Variants in COL19A1 observed in about 807,000 individuals in gnomAD.
COL19A1 encodes the protein collagen alpha-1(XIX) chain.
Under a neutral mutation model 190.2 loss-of-function variants are expected in COL19A1, and 159 were observed. The observed-to-expected ratio is 0.84, with a 90% CI of 0.73 to 0.95. The LOEUF (loss-of-function observed/expected upper bound fraction) is 0.95. COL19A1 is among the 40% of genes least tolerant of loss of function. The probability of loss-of-function intolerance (pLI) is 0.00; values close to 1 mark genes in which losing one functional copy is unlikely to be tolerated. For missense variants in COL19A1, 1,418 were observed against 1,431.9 expected, an observed-to-expected ratio of 0.99 and a Z score of 0.16; for synonymous variants, 509 against 458.9, an observed-to-expected ratio of 1.11 and a Z score of -1.39.
intron 14 of COL19A1, among the ~76,000 whole-genome samples, chr6:70,065,405 A>G (rs1781115328): frequency 6.6e-6 from 1 of 152,252 alleles, no homozygotes; most frequent in African/African-American, 2.4e-5. Flanking sequence ...GGCTAGCCGT[A>G]TGTAGAAAGC....
At chr6:70,156,100 C>T (rs1363367881) in intron 31 of COL19A1, 27 bp from the exon 32 acceptor site, 2 of 1,601,778 alleles carry the variant, frequency 1.2e-6, no homozygotes, top group South Asian at 2.2e-5. Flanking sequence ...ATGACTCCCT[C>T]AGTAACCTTA....
intron 11 of COL19A1, among the ~76,000 whole-genome samples, chr6:69,963,774 G>T (rs190918403): frequency 6.6e-6 from 1 of 152,110 alleles, no homozygotes; most frequent in Admixed American, 6.5e-5. Flanking sequence ...TAAATTCTGG[G>T]TGCTTAATTT....
intron 15 of COL19A1, among the ~76,000 whole-genome samples, chr6:70,099,507 C>T (rs1362494835): frequency 6.6e-6 from 1 of 151,798 alleles, no homozygotes; most frequent in Non-Finnish European, 1.5e-5. Flanking sequence ...TGGGGCCCAT[C>T]CCCAAGATAT....
intron 4 of COL19A1, among the ~76,000 whole-genome samples, chr6:69,906,644 G>A (rs1405636219): frequency 6.6e-6 from 1 of 152,144 alleles, no homozygotes; most frequent in Non-Finnish European, 1.5e-5. Context: ...AATATAGCTA[G>A]ACACAGTGAC....
chr6:70,198,076 A>G (rs1038300958), intron 48 of COL19A1, among the ~76,000 whole-genome samples: 10 of 152,244 alleles, frequency 6.6e-5, no homozygotes, highest in African/African-American at 1.9e-4. Flanking sequence ...TAAAAGATAC[A>G]TATCTGTTTA....
At chr6:70,197,143 G>A (rs114752967) in intron 48 of COL19A1, among the ~76,000 whole-genome samples, 31 of 151,778 alleles carry the variant, frequency 2.0e-4, no homozygotes, top group African/African-American at 5.8e-4. Context: ...AATTGTGACC[G>A]GTCTCAGTGG....
At position 70,168,238 on chromosome 6, in the gene COL19A1, A is replaced by G. The variant is rs1462493053; in HGVS notation, c.2541+23A>G. The stretch of plus-strand genomic sequence containing the variant: ...CCTGTAAGTACAGTTGTTTATCATC[A>G]AACACACTTTAGCTGAACAACCACA... On this transcript the variant is annotated intron_variant, in intron 39 of 50. Transcript: ENST00000620364. 6.8e-6 allele frequency: 11 copies of G among 1,610,818 alleles called. No individual in the cohort carries two copies. In the South Asian group the frequency reaches 1.1e-4, roughly 16 times the overall value.
chr6:70,190,351 A>T lies in COL19A1; in HGVS notation c.3064A>T (p.Ile1022Phe). The change falls in exon 48 of 51, where the codon ATT (isoleucine) becomes TTT (phenylalanine). Residue 1022 changes from isoleucine to phenylalanine, a missense_variant. Ile to Phe is a conservative substitution (Grantham distance 21, BLOSUM62 0). Transcript: ENST00000620364. ...TTCATTTGAAGAAATAAAGAAGTAT[A>T]TTAATCAAGAGGTCCTAAGGATTTT... ...AVSFEEIKKYINQEVLRIFEE... is the reference protein window; with the variant it reads ...AVSFEEIKKYFNQEVLRIFEE... 1.9e-6 allele frequency: 3 copies of T among 1,605,932 alleles called. No individual in the cohort carries two copies. Among genetic ancestry groups the T allele is most frequent in the Non-Finnish European group, 2.6e-6 (3 of 1,175,400 alleles).
intron 34 of COL19A1, among the ~76,000 whole-genome samples, chr6:70,159,990 T>C (rs1328899408): frequency 2.0e-5 from 3 of 152,082 alleles, no homozygotes; most frequent in Non-Finnish European, 2.9e-5. Flanking sequence ...CAGTCCACTA[T>C]TGAAAATTGG....
At chr6:70,206,790 T>G (rs913081644) in intron 49 of COL19A1, 111 bp from the exon 50 acceptor site, 2 of 871,988 alleles carry the variant, frequency 2.3e-6, no homozygotes, top group Non-Finnish European at 3.5e-6. Flanking sequence ...ACTATTTATT[T>G]TAAGCAAATG....
chr6:69,943,256 T>C (rs986583996), intron 9 of COL19A1, among the ~76,000 whole-genome samples: 2 of 152,130 alleles, frequency 1.3e-5, no homozygotes, highest in Admixed American at 1.3e-4. Flanking sequence ...GGGTTTTTGT[T>C]TGTTTGTTGC....
intron 11 of COL19A1, among the ~76,000 whole-genome samples, chr6:70,022,744 A>G (rs1338113168): frequency 6.6e-6 from 1 of 152,164 alleles, no homozygotes; most frequent in African/African-American, 2.4e-5. Context: ...TTATATCATG[A>G]ACATTTTTCT....
At position 70,089,722 on chromosome 6, in the gene COL19A1, T is replaced by A. The variant is rs562610613; in HGVS notation, c.1225-12447T>A. On this transcript the variant is annotated intron_variant, in intron 15 of 50. Coordinates refer to ENST00000620364, the MANE Select transcript of COL19A1 (RefSeq NM_001858.6). Reference sequence around the variant, plus strand: ...TCCCTTGAAAATTCATCCTGACATGTTTCAAGAACACTTTTCTCCCTTGAG... The same window carrying A: ...TCCCTTGAAAATTCATCCTGACATGATTCAAGAACACTTTTCTCCCTTGAG... Among the ~76,000 whole-genome samples the A allele has an allele frequency of 5.3e-5, 8 of 152,286 alleles. 1 individual carries two copies. In the South Asian group the frequency reaches 1.7e-3, roughly 32 times the overall value.
chr6:69,954,374 T>A (rs1328822234), intron 9 of COL19A1, among the ~76,000 whole-genome samples: 2 of 152,070 alleles, frequency 1.3e-5, no homozygotes, highest in South Asian at 2.1e-4. Context: ...TCTGGATAAG[T>A]GTTTGTTGAG....
chr6:70,089,353 A>G (rs1354859274), intron 15 of COL19A1, among the ~76,000 whole-genome samples: 1 of 152,134 alleles, frequency 6.6e-6, no homozygotes, highest in Non-Finnish European at 1.5e-5. Context: ...ACAGTTAGGC[A>G]TGTATTTTTT....
rs201743331 is a variant in COL19A1 at position 69,942,740 on chromosome 6, A to G, written c.936+4640A>G. Among the ~76,000 whole-genome samples the G allele has an allele frequency of 2.0e-3, 300 of 146,684 alleles. 1 individual carries two copies. The highest frequency in any genetic ancestry group is 6.5e-3 in the East Asian group (32 of 4,956). ...GGCTTAATGTCATTCCATTGTGTGT[A>G]TGTGTGTGTGTGTGTGTGTGTGTGT... On this transcript the variant is annotated intron_variant, in intron 9 of 50. Transcript: ENST00000620364.
At chr6:70,055,799 A>T (rs1156536613) in intron 14 of COL19A1, among the ~76,000 whole-genome samples, 1 of 150,844 alleles carries the variant, frequency 6.6e-6, no homozygotes, top group African/African-American at 2.5e-5. Context: ...AAAAAAAAAA[A>T]AAAAAATTCA....
chr6:70,093,599 G>T (rs146463964), intron 15 of COL19A1, among the ~76,000 whole-genome samples: 2 of 151,948 alleles, frequency 1.3e-5, no homozygotes, highest in African/African-American at 4.8e-5. Flanking sequence ...CGTTCCAAAG[G>T]GAAAAGCAGC....
chr6:70,017,144 A>G lies in COL19A1; in HGVS notation c.1027-6483A>G, dbSNP rs551734471. ...AATATGGTGTACCCACATAAATGATACTACTCAAAAAGAAACAAACTACTT... is the reference window on the plus strand; with the variant it reads ...AATATGGTGTACCCACATAAATGATGCTACTCAAAAAGAAACAAACTACTT... On this transcript the variant is annotated intron_variant, in intron 11 of 50. Coordinates refer to ENST00000620364, the MANE Select transcript of COL19A1 (RefSeq NM_001858.6). 3.3e-5 allele frequency among the ~76,000 whole-genome samples: 5 copies of G among 152,314 alleles called. No individual in the cohort carries two copies. In the South Asian group the frequency reaches 1.0e-3, roughly 32 times the overall value.
Sources: gnomAD v4.1 joint callset for allele counts (sites outside exome capture counted in the v4.1 genomes callset) on GRCh38, gnomAD v4.1.1 for gene constraint, MANE v1.5 for transcripts, NCBI Gene and HGNC (gene_info 2026-07-23, HGNC 2026-07-21) for gene names.